The following GMDS variants were observed in gnomAD, a reference collection of about 807,000 sequenced individuals.
The protein encoded by GMDS is GDP-mannose 4,6-dehydratase.
Under a neutral mutation model 49.9 loss-of-function variants are expected in GMDS, and 20 were observed. The observed-to-expected ratio is 0.40, with a 90% CI of 0.28 to 0.58. The LOEUF is 0.58. Among genes scored for constraint, GMDS ranks in the 20% least tolerant of loss-of-function variants. The probability of loss-of-function intolerance (pLI) is 0.42; values close to 1 mark genes in which losing one functional copy is unlikely to be tolerated. For synonymous variants in GMDS, 177 were observed against 178.6 expected, an observed-to-expected ratio of 0.99 and a Z score of 0.07; for missense variants, 362 against 481.4, an observed-to-expected ratio of 0.75 and a Z score of 2.32.
At chr6:2,069,030 C>T (rs1771807631) in intron 4 of GMDS, among the ~76,000 whole-genome samples, 1 of 152,144 alleles carries the variant, frequency 6.6e-6, no homozygotes, top group East Asian at 1.9e-4. Context: ...TATAAGGCTA[C>T]AGTAACCAAA....
At chr6:1,849,546 C>T (rs527723585) in intron 7 of GMDS, among the ~76,000 whole-genome samples, 11 of 152,226 alleles carry the variant, frequency 7.2e-5, no homozygotes, top group East Asian at 3.9e-4. Flanking sequence ...TGCTAATAAA[C>T]GCAAAAATGT....
intron 7 of GMDS, among the ~76,000 whole-genome samples, chr6:1,871,060 A>G (rs945176914): frequency 8.2e-4 from 106 of 129,680 alleles, no homozygotes; most frequent in African/African-American, 4.5e-3. Flanking sequence ...ATCCCCCAGC[A>G]CACACACACA....
chr6:1,741,044 TA>T (rs1215135413), intron 8 of GMDS, among the ~76,000 whole-genome samples: 1 of 152,204 alleles, frequency 6.6e-6, no homozygotes, highest in African/African-American at 2.4e-5. Flanking sequence ...TTTTTGTTTT[TA>T]AAATTTTAAT....
At chr6:2,142,698 C>T (rs1181158389) in intron 1 of GMDS, among the ~76,000 whole-genome samples, 1 of 152,168 alleles carries the variant, frequency 6.6e-6, no homozygotes, top group African/African-American at 2.4e-5. Context: ...TTTGTTATGG[C>T]AGCCCTAGTG....
At chr6:2,079,134 T>C (rs953946408) in intron 4 of GMDS, among the ~76,000 whole-genome samples, 14 of 151,474 alleles carry the variant, frequency 9.2e-5, no homozygotes, top group African/African-American at 2.9e-4. Flanking sequence ...AGTAATTTTT[T>C]CCATTCCTTT....
intron 1 of GMDS, among the ~76,000 whole-genome samples, chr6:2,196,177 T>C (rs1779268176): frequency 6.6e-6 from 1 of 152,256 alleles, no homozygotes; most frequent in African/African-American, 2.4e-5. Context: ...ATGGTTTATA[T>C]TAAATGGTCT....
chr6:1,628,663 G>C (rs1243365672), intron 9 of GMDS, among the ~76,000 whole-genome samples: 1 of 152,202 alleles, frequency 6.6e-6, no homozygotes, highest in Non-Finnish European at 1.5e-5. Context: ...AATATTCTAA[G>C]AGTATGAGAT....
intron 4 of GMDS, among the ~76,000 whole-genome samples, chr6:2,032,660 A>G (rs992329003): frequency 6.6e-6 from 1 of 152,194 alleles, no homozygotes; most frequent in Non-Finnish European, 1.5e-5. Flanking sequence ...TTATGAAAAT[A>G]TAGAGAGAGG....
chr6:2,010,968 A>G (rs1767522546), intron 4 of GMDS, among the ~76,000 whole-genome samples: 1 of 152,170 alleles, frequency 6.6e-6, no homozygotes, highest in Non-Finnish European at 1.5e-5. Context: ...ATCTAGAGAA[A>G]TTATTTTTTA....
chr6:1,902,324 T>C (rs1581331349), intron 7 of GMDS, among the ~76,000 whole-genome samples: 2 of 152,206 alleles, frequency 1.3e-5, no homozygotes, highest in Non-Finnish European at 2.9e-5. Context: ...ATGGACTAAG[T>C]AATAAAGCAT....
In GMDS at chr6:1,900,744, C is replaced by T. The variant is rs541129602; in HGVS notation, c.771+29359G>A. Among the ~76,000 whole-genome samples the T allele has an allele frequency of 2.6e-4, 39 of 152,240 alleles. 1 individual carries two copies. In the South Asian group the frequency reaches 4.4e-3, roughly 17 times the overall value. Reference sequence around the variant, plus strand: ...GTCATTTTACTTCATTCTGGCTCTCCGACACTGGATAAATCAGTGACTTAT... The same window carrying T: ...GTCATTTTACTTCATTCTGGCTCTCTGACACTGGATAAATCAGTGACTTAT... On this transcript the variant is annotated intron_variant, in intron 7 of 10. Coordinates refer to ENST00000380815, the MANE Select transcript of GMDS (RefSeq NM_001500.4).
intron 4 of GMDS, among the ~76,000 whole-genome samples, chr6:2,106,191 C>T (rs1191641671): frequency 1.3e-5 from 2 of 152,162 alleles, no homozygotes; most frequent in South Asian, 2.1e-4. Flanking sequence ...AAATCTGATA[C>T]ATTCAAACCA....
chr6:1,767,996 C>A (rs1374640170), intron 7 of GMDS, among the ~76,000 whole-genome samples: 1 of 152,092 alleles, frequency 6.6e-6, no homozygotes, highest in East Asian at 1.9e-4. Context: ...TTGCCCTCAG[C>A]TGACCAAACC....
In GMDS at chr6:1,853,517, C is replaced by CAAAAAAA. The variant is rs34773610; in HGVS notation, c.771+76579_771+76585dup. Among the ~76,000 whole-genome samples, 104 of 70,380 alleles carry CAAAAAAA rather than the reference C, an allele frequency of 1.5e-3. 1 individual carries two copies. Among genetic ancestry groups the CAAAAAAA allele is most frequent in the African/African-American group, 6.1e-3 (97 of 15,984 alleles). 46.2% of individuals were successfully genotyped at this position (70,380 alleles called of 152,430 possible). A position where few individuals can be genotyped will look rare whatever the true frequency, so the allele number is the denominator to read the frequency against. On this transcript the variant is annotated intron_variant, in intron 7 of 10. Coordinates refer to ENST00000380815, the MANE Select transcript of GMDS (RefSeq NM_001500.4). ...TGGGCGACAGAGCGAGACTCCGTCT[C>CAAAAAAA]AAAAAAAAAAAAAAAAAAAAAAAGA...
chr6:1,926,363 C>A (rs1044268346), intron 7 of GMDS, among the ~76,000 whole-genome samples: 1 of 152,158 alleles, frequency 6.6e-6, no homozygotes, highest in African/African-American at 2.4e-5. Context: ...GGGGTTGAGC[C>A]CCACAACCTG....
chr6:1,664,837 T>C (rs1764189652), intron 9 of GMDS, among the ~76,000 whole-genome samples: 1 of 152,226 alleles, frequency 6.6e-6, no homozygotes, highest in Non-Finnish European at 1.5e-5. Flanking sequence ...TACCAAGGTA[T>C]AGTGCAGTAG....
chr6:1,680,444 G>A (rs188357473), intron 9 of GMDS, among the ~76,000 whole-genome samples: 22 of 152,196 alleles, frequency 1.4e-4, no homozygotes, highest in Admixed American at 3.9e-4. Context: ...TGCCAACATT[G>A]CTAGTTCTCC....
At chr6:1,999,919 ACATAT>A (rs1561961367) in intron 4 of GMDS, among the ~76,000 whole-genome samples, 3 of 96,172 alleles carry the variant, frequency 3.1e-5, no homozygotes, top group East Asian at 2.7e-4. Context: ...TATATTATAT[ACATAT>A]TATATATTAT....
intron 8 of GMDS, among the ~76,000 whole-genome samples, chr6:1,734,194 TATG>T (rs1766927004): frequency 6.6e-6 from 1 of 152,272 alleles, no homozygotes; most frequent in East Asian, 1.9e-4. Context: ...CCATCTTATT[TATG>T]ATAATTATTC....
Sources: allele counts gnomAD v4.1 joint callset (sites outside exome capture counted in the v4.1 genomes callset), GRCh38; gene constraint gnomAD v4.1.1; transcripts MANE v1.5; gene names NCBI Gene and HGNC (gene_info 2026-07-23, HGNC 2026-07-21).